The following PLOD2 variants were observed in gnomAD, a reference collection of about 807,000 sequenced individuals.
The protein encoded by PLOD2 is lysine hydroxylase 2.
PLOD2 carries 65 observed loss-of-function variants against 101.0 expected under a neutral mutation model. That is an observed-to-expected ratio of 0.64 (90% CI 0.53 to 0.79). The LOEUF is 0.79. Ranked by LOEUF, PLOD2 falls within the 30% of genes least tolerant of loss-of-function variation. The pLI, the probability that PLOD2 is intolerant of heterozygous loss-of-function variation, is 0.00. For missense variants in PLOD2, 909 were observed against 914.6 expected (o/e 0.99, Z 0.08); for synonymous variants, 314 against 302.9 (o/e 1.04, Z -0.38).
chr3:146,138,453 C>T (rs1379255334), intron 1 of PLOD2, among the ~76,000 whole-genome samples: 1 of 151,920 alleles, frequency 6.6e-6, no homozygotes, highest in Non-Finnish European at 1.5e-5. Flanking sequence ...GATGACATAA[C>T]CAAGTTTCAC....
chr3:146,136,218 A>AT (rs1319017713), intron 1 of PLOD2, among the ~76,000 whole-genome samples: 1 of 152,088 alleles, frequency 6.6e-6, no homozygotes, highest in East Asian at 1.9e-4. Flanking sequence ...TTATAGTTTC[A>AT]TTTTTTACAC....
intron 1 of PLOD2, 29 bp from the exon 2 acceptor site, chr3:146,124,258 G>T (rs373717649): frequency 8.0e-7 from 1 of 1,253,468 alleles, no homozygotes; most frequent in Admixed American, 1.7e-5. Flanking sequence ...ACAAAAGAAG[G>T]TTTACCAAGA....
chr3:146,085,252 T>A lies in PLOD2; in HGVS notation c.1149A>T (p.Glu383Asp). ...CCACACTAAAGTAATAATCACACTT[T>A]TCATCCTGACGGCAAAAGTCCCTAA... ...NMGMDFCRQD[E>D]KCDYYFSVDA... is the part of the protein sequence containing the mutation. Residue 383 changes from glutamate (E) to aspartate (D), a missense_variant, in exon 11 of 20, where the codon GAA becomes GAT. By Grantham distance (45) the Glu-to-Asp change is conservative (BLOSUM62 2). Coordinates refer to ENST00000282903, the MANE Select transcript of PLOD2 (RefSeq NM_182943.3). 6.2e-7 allele frequency: 1 copy of A among 1,601,988 alleles called. No individual in the cohort carries two copies. The highest frequency in any genetic ancestry group is 8.6e-7 in the Non-Finnish European group (1 of 1,169,316).
chr3:146,154,018 G>A (rs769733359), intron 1 of PLOD2, among the ~76,000 whole-genome samples: 3 of 152,038 alleles, frequency 2.0e-5, no homozygotes, highest in Non-Finnish European at 4.4e-5. Context: ...GCACCAGGAT[G>A]TCTTATGCAC....
At chr3:146,072,437 G>T (rs1159421606) in intron 17 of PLOD2, 124 bp downstream of exon 17, 7 of 722,534 alleles carry the variant, frequency 9.7e-6, no homozygotes, top group Non-Finnish European at 1.7e-5. Context: ...GCCTTGGCTA[G>T]CCAATTTATC....
chr3:146,086,064 A>G (rs1936755087), intron 10 of PLOD2: 1 of 152,216 alleles, frequency 6.6e-6, no homozygotes, highest in African/African-American at 2.4e-5. Context: ...TAATAACATC[A>G]GTTTGGTTTT....
intron 1 of PLOD2, among the ~76,000 whole-genome samples, chr3:146,155,478 C>T (rs907912421): frequency 3.3e-5 from 5 of 151,466 alleles, no homozygotes; most frequent in Non-Finnish European, 5.9e-5. Context: ...TTTGGGAAGC[C>T]GAGGGGGTTG....
At chr3:146,128,391 C>G (rs1372611997) in intron 1 of PLOD2, among the ~76,000 whole-genome samples, 1 of 152,084 alleles carries the variant, frequency 6.6e-6, no homozygotes, top group Non-Finnish European at 1.5e-5. Flanking sequence ...CCTTTGGACT[C>G]TATTAGATAA....
intron 1 of PLOD2, among the ~76,000 whole-genome samples, chr3:146,152,414 C>G: frequency 6.6e-6 from 1 of 151,046 alleles, no homozygotes. Flanking sequence ...AGCAAGACTC[C>G]GTCTCAAAAA....
chr3:146,137,939 A>G (rs750996605), intron 1 of PLOD2, among the ~76,000 whole-genome samples: 1 of 152,174 alleles, frequency 6.6e-6, no homozygotes, highest in African/African-American at 2.4e-5. Context: ...TTGAGGTAAT[A>G]CCGCAGGGGG....
chr3:146,084,231 G>A (rs139174651), intron 11 of PLOD2, among the ~76,000 whole-genome samples: 5 of 151,960 alleles, frequency 3.3e-5, no homozygotes, highest in African/African-American at 1.2e-4. Context: ...AATTACCTAC[G>A]ATGTATATAG....
At chr3:146,121,386 G>GA (rs879073009) in intron 2 of PLOD2, 138 bp from the exon 3 acceptor site, 285 of 736,038 alleles carry the variant, frequency 3.9e-4, no homozygotes, top group Middle Eastern at 4.9e-4. Flanking sequence ...CATGATTCTA[G>GA]AAAAAAAAAT....
Position 146,085,348 on chromosome 3 carries a change from TA to T in PLOD2, c.1128-76del, listed in dbSNP as rs1936725411. ...GCTGACTGAAAAATGTTAATATATA[TA>T]TTCTTTTATGTAAAATATGGTTCTC... On this transcript the variant is annotated intron_variant, in intron 10 of 19. Transcript: ENST00000282903. The T allele has an allele frequency of 3.9e-6, 3 of 767,922 alleles. No homozygotes were observed. In the African/African-American group the frequency reaches 5.2e-5, roughly 13 times the overall value. The allele number at this position is 767,922 out of a possible 1,614,324, so 47.6% of individuals were successfully genotyped here. A position where few individuals can be genotyped will look rare whatever the true frequency, so the allele number is the denominator to read the frequency against.
At chr3:146,123,553 A>G (rs1231481900) in intron 2 of PLOD2, among the ~76,000 whole-genome samples, 1 of 152,108 alleles carries the variant, frequency 6.6e-6, no homozygotes, top group East Asian at 1.9e-4. Flanking sequence ...GCAATTCTCA[A>G]TAATAGACAG....
In PLOD2 at chr3:146,110,337, T is replaced by C; in HGVS notation, c.450A>G (p.Leu150=). The change falls in exon 4 of 20, where the codon CTA becomes CTG. Residue 150 remains leucine (L), a synonymous_variant. Coordinates refer to ENST00000282903, the MANE Select transcript of PLOD2 (RefSeq NM_182943.3). ...ADGILWPDKR[L]ADKYPVVHIG... ...TGTGCACAACAGGATACTTGTCTGC[T>C]AGTCTTTTATCTGGCCACAAAATTC... 6.2e-7 allele frequency: 1 copy of C among 1,613,864 alleles called. No individual in the cohort carries two copies. The highest frequency in any genetic ancestry group is 8.5e-7 in the Non-Finnish European group (1 of 1,179,832).
chr3:146,128,091 G>C (rs2030684322), intron 1 of PLOD2, among the ~76,000 whole-genome samples: 1 of 151,976 alleles, frequency 6.6e-6, no homozygotes, highest in South Asian at 2.1e-4. Context: ...CACATCTAAG[G>C]ATAAGGAAAG....
At chr3:146,112,764 T>C (rs1270481550) in intron 3 of PLOD2, among the ~76,000 whole-genome samples, 3 of 151,154 alleles carry the variant, frequency 2.0e-5, no homozygotes, top group South Asian at 2.1e-4. Flanking sequence ...GGCAGGAGAA[T>C]TGCTTGAACC....
chr3:146,073,081 G>GGCAT (rs1271779087), intron 16 of PLOD2, among the ~76,000 whole-genome samples: 1 of 151,400 alleles, frequency 6.6e-6, no homozygotes, highest in East Asian at 1.9e-4. Flanking sequence ...TTTTTAAAAA[G>GGCAT]GCATGCTTTT....
chr3:146,128,713 A>ATTTT (rs1049921374), intron 1 of PLOD2, among the ~76,000 whole-genome samples: 2 of 151,948 alleles, frequency 1.3e-5, no homozygotes, highest in East Asian at 3.9e-4. Context: ...TGTTGGAGTC[A>ATTTT]TTTTTTTCTC....
Sources: allele counts gnomAD v4.1 joint callset (sites outside exome capture counted in the v4.1 genomes callset), GRCh38; gene constraint gnomAD v4.1.1; transcripts MANE v1.5; gene names NCBI Gene and HGNC (gene_info 2026-07-23, HGNC 2026-07-21).